OTOF: variants seen among roughly 807,000 people sequenced by gnomAD.
The protein encoded by OTOF is fer-1-like family member 2.
In OTOF, 218 loss-of-function variants were observed where a neutral mutation model predicts 236.8. That is an observed-to-expected ratio of 0.92 (90% CI 0.82 to 1.03). The LOEUF (loss-of-function observed/expected upper bound fraction) is 1.03, where lower values mean the gene tolerates loss of function less well. OTOF is among the 50% of genes least tolerant of loss of function. The probability of loss-of-function intolerance (pLI) is 0.00; values close to 1 mark genes in which losing one functional copy is unlikely to be tolerated. For missense variants in OTOF, 2,590 were observed against 2,694.4 expected, an observed-to-expected ratio of 0.96 and a Z score of 0.86; for synonymous variants, 1,041 against 1,072.5, an observed-to-expected ratio of 0.97 and a Z score of 0.57.
At chr2:26,524,984 C>A (rs1666766133) in intron 3 of OTOF, among the ~76,000 whole-genome samples, 1 of 152,212 alleles carries the variant, frequency 6.6e-6, no homozygotes, top group Non-Finnish European at 1.5e-5. Flanking sequence ...CTTTTTCACA[C>A]CCACTTGGTC....
chr2:26,466,782 A>C lies in OTOF; in HGVS notation c.4432T>G (p.Tyr1478Asp). The C allele has an allele frequency of 2.0e-5, 32 of 1,614,224 alleles. No individual in the cohort carries two copies. Among genetic ancestry groups the C allele is most frequent in the Non-Finnish European group, 2.7e-5 (32 of 1,180,044 alleles). Residue 1478 changes from tyrosine to aspartate, a missense_variant, in exon 36 of 47, where the codon TAC becomes GAC. Physicochemically the swap from Tyr to Asp is radical, Grantham distance 160 (BLOSUM62 -3). This residue lies in a region of OTOF where 1,211 missense variants were observed against 1,352.8 expected (regional missense o/e 0.90). Coordinates refer to ENST00000272371, the MANE Select transcript of OTOF (RefSeq NM_194248.3). ...CTCGGGATGCCCTGGAACATGCCGT[A>C]GGTGGAGTCGTAGCCGGCTTCCCGG... ...VSREAGYDST[Y>D]GMFQGIPSND...
At chr2:26,532,740 C>T (rs559742850) in intron 2 of OTOF, among the ~76,000 whole-genome samples, 2 of 152,172 alleles carry the variant, frequency 1.3e-5, no homozygotes, top group South Asian at 4.1e-4. Context: ...TAGGCTTAGC[C>T]CTGACCTGGC....
chr2:26,503,767 C>T lies in OTOF; in HGVS notation c.583+5G>A. 6.2e-7 allele frequency: 1 copy of T among 1,613,270 alleles called. No individual in the cohort carries two copies. The highest frequency in any genetic ancestry group is 1.1e-5 in the South Asian group (1 of 91,060). ...GCTGCGGGGCTCACGCGGCACCTGT[C>T]CTACCTGGTCTTTGGGGCTCCTCCT... On this transcript the variant is annotated splice_donor_5th_base_variant and intron_variant, in intron 6 of 46. Transcript: ENST00000272371.
chr2:26,460,046 G>A lies in OTOF; in HGVS notation c.5973C>T (p.Val1991=), dbSNP rs1410198086. 2 of 1,571,546 alleles carry A rather than the reference G, an allele frequency of 1.3e-6. No individual in the cohort carries two copies. Among genetic ancestry groups the A allele is most frequent in the African/African-American group, 1.3e-5 (1 of 74,418 alleles). ...LFLYSVPGYL[V]KKILGA The stretch of plus-strand genomic sequence containing the variant: ...GGGCTCAGGCCCCGAGGATTTTCTT[G>A]ACCAGGTAGCCAGGCACAGAGTAGA... Residue 1991 remains valine (V), a synonymous_variant, in exon 46 of 47, where the codon GTC becomes GTT. Transcript: ENST00000272371. This position sits in a 1 kb window ranked among gnomAD's most constrained non-coding sequence, Gnocchi z 5.3.
Position 26,457,554 on chromosome 2 carries a change from GC to G in OTOF, c.*683del. 1 of 154,458 alleles carries G rather than the reference GC, an allele frequency of 6.5e-6. No homozygotes were observed. Among genetic ancestry groups the G allele is most frequent in the Non-Finnish European group, 1.4e-5 (1 of 69,466 alleles). 9.6% of individuals were successfully genotyped at this position (154,458 alleles called of 1,614,324 possible). A position where few individuals can be genotyped will look rare whatever the true frequency, so the allele number is the denominator to read the frequency against. ...GAAGCAGCCGCGCTGGGACTTGTGG[GC>G]AGGGTCTGGCCCCTGCTGCGGATCA... On this transcript the variant is annotated 3_prime_UTR_variant, in exon 47 of 47. Coordinates refer to ENST00000272371, the MANE Select transcript of OTOF (RefSeq NM_194248.3). The surrounding 1 kb of genome is among the most constrained non-coding windows in gnomAD (Gnocchi z 4.4).
In OTOF at chr2:26,483,630, C is replaced by G; in HGVS notation, c.1224G>C (p.Glu408Asp). ...DDIEGNLLLP[E>D]GVPPERQWAR... ...CCCACTGGCGTTCGGGGGGCACCCC[C>G]TCGGGGAGCAGCAAGTTCCTGCCAG... Residue 408 changes from glutamate to aspartate, a missense_variant, in exon 13 of 47, where the codon GAG (glutamate) becomes GAC (aspartate). Physicochemically the swap from Glu to Asp is conservative, Grantham distance 45. Around this residue, in one of 2 missense-constraint regions of OTOF, gnomAD observed 1,379 missense variants for 1,341.6 expected, o/e 1.03. Coordinates refer to ENST00000272371, the MANE Select transcript of OTOF (RefSeq NM_194248.3). 6.2e-7 allele frequency: 1 copy of G among 1,612,518 alleles called. No homozygotes were observed. Among genetic ancestry groups the G allele is most frequent in the East Asian group, 2.2e-5 (1 of 44,890 alleles).
rs117601925 is a variant in OTOF at position 26,554,937 on chromosome 2, G to C, written c.79+3556C>G. On this transcript the variant is annotated intron_variant, in intron 1 of 46. Transcript: ENST00000272371. ...CCCAAACCTCATGTCTTGGCAAGAA[G>C]GCTCAGGGGATAGAAAGAGAAGGGA... Among the ~76,000 whole-genome samples the C allele has an allele frequency of 6.1e-4, 93 of 152,320 alleles. No homozygotes were observed. In the East Asian group the frequency reaches 8.3e-3, roughly 14 times the overall value.
chr2:26,521,388 G>A (rs1666673696), intron 3 of OTOF, among the ~76,000 whole-genome samples: 1 of 152,166 alleles, frequency 6.6e-6, no homozygotes, highest in African/African-American at 2.4e-5. Context: ...ACTCCCAGGG[G>A]GCAGGGTGGA....
At chr2:26,479,972 A>T (rs1443996362) in intron 16 of OTOF, among the ~76,000 whole-genome samples, 1 of 152,232 alleles carries the variant, frequency 6.6e-6, no homozygotes, top group South Asian at 2.1e-4. Flanking sequence ...CTCACCCTGT[A>T]GGTGGAGCTG....
chr2:26,545,442 GT>G (rs1177182251), intron 1 of OTOF, among the ~76,000 whole-genome samples: 1 of 152,094 alleles, frequency 6.6e-6, no homozygotes, highest in African/African-American at 2.4e-5. Flanking sequence ...TTTTCTTCCT[GT>G]GTGTGACTTG....
At position 26,510,620 on chromosome 2, in the gene OTOF, C is replaced by G. The variant is rs1000689312; in HGVS notation, c.509+5798G>C. ...CACTCCTGAGCCCTCTCAGCCGAGC[C>G]CATCCCGCCCTCCACAGCCTGTGGG... On this transcript the variant is annotated intron_variant, in intron 5 of 46. Transcript: ENST00000272371. 3.7e-5 allele frequency: 33 copies of G among 891,656 alleles called. No homozygotes were observed. In the African/African-American group the frequency reaches 4.8e-4, roughly 13 times the overall value. The allele number at this position is 891,656 out of a possible 1,614,324, so 55.2% of individuals were successfully genotyped here.
In OTOF at chr2:26,458,064, C is replaced by A. The variant is rs2148012973; in HGVS notation, c.*174G>T. ...TTCATGCCCCAAGGAGCTTTTTGAC[C>A]ATGTAGCCAGGGAGGCTGTAGAGGA... On this transcript the variant is annotated 3_prime_UTR_variant, in exon 47 of 47. Coordinates refer to ENST00000272371, the MANE Select transcript of OTOF (RefSeq NM_194248.3). The A allele has an allele frequency of 6.2e-7, 1 of 1,613,838 alleles. No individual in the cohort carries two copies. The highest frequency in any genetic ancestry group is 8.5e-7 in the Non-Finnish European group (1 of 1,179,760).
intron 3 of OTOF, among the ~76,000 whole-genome samples, chr2:26,526,397 G>C (rs1011729674): frequency 6.6e-6 from 1 of 151,912 alleles, no homozygotes; most frequent in Non-Finnish European, 1.5e-5. Context: ...ATGGATGAAA[G>C]GATGGAAGGA....
At chr2:26,464,222 C>T (rs1664620487) in intron 39 of OTOF, 116 bp from the exon 40 acceptor site, 1 of 1,290,474 alleles carries the variant, frequency 7.7e-7, no homozygotes, top group Admixed American at 1.8e-5. Flanking sequence ...GTCTACCCCA[C>T]CTCCTTTTCA....
chr2:26,502,409 C>T lies in OTOF; in HGVS notation c.601G>A (p.Glu201Lys). The T allele has an allele frequency of 6.2e-7, 1 of 1,613,528 alleles. No individual in the cohort carries two copies. Among genetic ancestry groups the T allele is most frequent in the Non-Finnish European group, 8.5e-7 (1 of 1,179,840 alleles). Residue 201 changes from glutamate (E) to lysine (K), a missense_variant, in exon 7 of 47, where the codon GAG becomes AAG. By Grantham distance (56) the Glu-to-Lys change is moderately conservative (BLOSUM62 1). Around this residue, in one of 2 missense-constraint regions of OTOF, gnomAD observed 1,379 missense variants for 1,341.6 expected, o/e 1.03. Coordinates refer to ENST00000272371, the MANE Select transcript of OTOF (RefSeq NM_194248.3). ...GCCAGATGGTCAAGGTCTTCCATCT[C>T]CAGCACCGCCGGTTCATCTGGGGAA... The part of the protein sequence containing the change: ...PQRPDEPAVL[E>K]MEDLDHLAIR...
At position 26,462,269 on chromosome 2, in the gene OTOF, G is replaced by A; in HGVS notation, c.5193-88C>T. On this transcript the variant is annotated intron_variant, in intron 41 of 46. Coordinates refer to ENST00000272371, the MANE Select transcript of OTOF (RefSeq NM_194248.3). The surrounding 1 kb of genome is among the most constrained non-coding windows in gnomAD (Gnocchi z 4.7). ...GCTGGGATGGGGCAGGCGGAGAGAAGCCCTGGGGTCTTGGGGTCAGCACAG... is the reference window on the plus strand; with the variant it reads ...GCTGGGATGGGGCAGGCGGAGAGAAACCCTGGGGTCTTGGGGTCAGCACAG... 8.6e-7 allele frequency: 1 copy of A among 1,156,436 alleles called. No individual in the cohort carries two copies. Among genetic ancestry groups the A allele is most frequent in the Admixed American group, 1.7e-5 (1 of 59,372 alleles). 71.6% of individuals were successfully genotyped at this position (1,156,436 alleles called of 1,614,324 possible). A position where few individuals can be genotyped will look rare whatever the true frequency, so the allele number is the denominator to read the frequency against.
chr2:26,555,793 C>A (rs1200961162), intron 1 of OTOF, among the ~76,000 whole-genome samples: 2 of 152,130 alleles, frequency 1.3e-5, no homozygotes, highest in East Asian at 3.9e-4. Flanking sequence ...ACCTCAGGGG[C>A]CAGCAGCTGC....
chr2:26,506,438 G>A (rs914013225), intron 5 of OTOF, among the ~76,000 whole-genome samples: 4 of 152,202 alleles, frequency 2.6e-5, no homozygotes, highest in African/African-American at 9.6e-5. Flanking sequence ...CAGAGGGGAA[G>A]TGCTCTGAGA....
In OTOF at chr2:26,473,841, C is replaced by T. The variant is rs1665117569; in HGVS notation, c.3408+150G>A. The T allele has an allele frequency of 2.4e-5, 26 of 1,074,494 alleles. No homozygotes were observed. Among genetic ancestry groups the T allele is most frequent in the Non-Finnish European group, 3.7e-5 (26 of 706,552 alleles). 66.6% of individuals were successfully genotyped at this position (1,074,494 alleles called of 1,614,324 possible). A position where few individuals can be genotyped will look rare whatever the true frequency, so the allele number is the denominator to read the frequency against. ...TGGGACATGGGAGTGCGACTTGGTG[C>T]AGATGGGGGCAGGCCCTGGGCTGGG... is the stretch of plus-strand genomic sequence containing the variant. On this transcript the variant is annotated intron_variant, in intron 27 of 46. Coordinates refer to ENST00000272371, the MANE Select transcript of OTOF (RefSeq NM_194248.3). This position sits in a 1 kb window ranked among gnomAD's most constrained non-coding sequence, Gnocchi z 7.2.
Sources: gnomAD v4.1 joint callset for allele counts (sites outside exome capture counted in the v4.1 genomes callset) on GRCh38, gnomAD v4.1.1 for gene constraint, gnomAD v4.1.1 regional missense constraint, Gnocchi (gnomAD v3.1) non-coding constraint, MANE v1.5 for transcripts, NCBI Gene and HGNC (gene_info 2026-07-23, HGNC 2026-07-21) for gene names.